Variants in SASH1 observed in about 807,000 individuals in gnomAD.
The protein encoded by SASH1 is SAM and SH3 domain-containing protein 1.
A neutral mutation model predicts 125.2 loss-of-function variants in SASH1; 44 were observed. That is an observed-to-expected ratio of 0.35 (90% CI 0.28 to 0.45). The LOEUF (loss-of-function observed/expected upper bound fraction) is 0.45. Ranked by LOEUF, SASH1 falls within the 20% of genes least tolerant of loss-of-function variation. The pLI is 1.00. For synonymous variants in SASH1, 639 were observed against 649.1 expected, an observed-to-expected ratio of 0.98 and a Z score of 0.24; for missense variants, 1,426 against 1,614.5, an observed-to-expected ratio of 0.88 and a Z score of 2.00.
intron 2 of SASH1, among the ~76,000 whole-genome samples, chr6:148,417,871 A>G (rs904116316): frequency 2.0e-5 from 3 of 152,214 alleles, no homozygotes; most frequent in African/African-American, 7.2e-5. Flanking sequence ...AAAGAAGAAG[A>G]TGAAGATGGT....
chr6:148,231,664 T>C, the SASH1 span, among the ~76,000 whole-genome samples: 117 of 152,282 alleles, frequency 7.7e-4, no homozygotes, highest in African/African-American at 2.7e-3. Flanking sequence ...TTCAGTGAAT[T>C]CTTTATTGCC....
chr6:148,521,764 T>G (rs1780826674), intron 10 of SASH1, among the ~76,000 whole-genome samples: 4 of 152,240 alleles, frequency 2.6e-5, no homozygotes, highest in Admixed American at 2.6e-4. Context: ...TTTTATGTAT[T>G]TATTTTTTAC....
intron 1 of SASH1, among the ~76,000 whole-genome samples, chr6:148,369,118 A>G (rs563389642): frequency 3.9e-5 from 6 of 152,168 alleles, no homozygotes; most frequent in Non-Finnish European, 7.3e-5. Context: ...GAGTACCTGG[A>G]TGTGCTTAAG....
intron 1 of SASH1, among the ~76,000 whole-genome samples, chr6:148,387,117 CTT>C (rs34236225): frequency 0.03 from 3,279 of 108,940 alleles, 105 homozygotes; most frequent in East Asian, 0.18. Context: ...TCTTTCTTTT[CTT>C]TTTTTTTTTT....
the SASH1 span, among the ~76,000 whole-genome samples, chr6:148,216,613 C>A: frequency 6.6e-6 from 1 of 152,186 alleles, no homozygotes; most frequent in South Asian, 2.1e-4. Flanking sequence ...CCAGTCAGGT[C>A]CGTCCAGCCC....
intron 2 of SASH1, among the ~76,000 whole-genome samples, chr6:148,421,158 A>G (rs181082805): frequency 0.079 from 4,464 of 56,804 alleles, 116 homozygotes; most frequent in Middle Eastern, 0.17. Context: ...AGAAAGAAAG[A>G]AAGAAAGAAA....
intron 1 of SASH1, among the ~76,000 whole-genome samples, chr6:148,386,515 A>C (rs1013577728): frequency 3.3e-5 from 5 of 152,212 alleles, no homozygotes; most frequent in African/African-American, 9.6e-5. Flanking sequence ...ATGGATTTCT[A>C]TTCCAGACCA....
the SASH1 span, among the ~76,000 whole-genome samples, chr6:148,200,566 G>A: frequency 6.6e-6 from 1 of 152,248 alleles, no homozygotes; most frequent in Admixed American, 6.5e-5. Flanking sequence ...GCGTGCCAAG[G>A]CGAGGTGATT....
the SASH1 span, among the ~76,000 whole-genome samples, chr6:148,217,469 T>C: frequency 4.3e-4 from 65 of 152,288 alleles, no homozygotes; most frequent in Non-Finnish European, 1.3e-4. Context: ...GTAGCCTATG[T>C]GGTACCGTTT....
At chr6:148,482,521 G>T (rs1370378871) in intron 7 of SASH1, among the ~76,000 whole-genome samples, 6 of 151,454 alleles carry the variant, frequency 4.0e-5, no homozygotes, top group Non-Finnish European at 4.4e-5. Context: ...TTGGCATGGT[G>T]AACTTTTTTT....
the SASH1 span, among the ~76,000 whole-genome samples, chr6:148,249,024 A>G: frequency 1.3e-5 from 2 of 152,242 alleles, no homozygotes; most frequent in Non-Finnish European, 2.9e-5. Flanking sequence ...AACAGTTTAC[A>G]TAGTATAGAA....
chr6:148,399,779 T>C (rs1042789708), intron 2 of SASH1, among the ~76,000 whole-genome samples: 2 of 151,942 alleles, frequency 1.3e-5, no homozygotes, highest in African/African-American at 4.8e-5. Context: ...CTAGCAGGTA[T>C]CCAGGGTTTG....
rs924708089 is a variant in SASH1 at position 148,534,681 on chromosome 6, T to C, written c.1945-70T>C. 1.8e-5 allele frequency: 27 copies of C among 1,461,360 alleles called. No homozygotes were observed. In the African/African-American group the frequency reaches 3.2e-4, roughly 17 times the overall value. The allele number at this position is 1,461,360 out of a possible 1,614,324, so 90.5% of individuals were successfully genotyped here. On this transcript the variant is annotated intron_variant, in intron 15 of 19. Coordinates refer to ENST00000367467, the MANE Select transcript of SASH1 (RefSeq NM_015278.5). ...TGGGAACAGTGTGTGGGTTGCAGGC[T>C]AGTTGTTGGCGGTGTTATCATGTGT... is the stretch of plus-strand genomic sequence containing the variant.
At chr6:148,419,035 G>A (rs1293336872) in intron 2 of SASH1, among the ~76,000 whole-genome samples, 2 of 152,016 alleles carry the variant, frequency 1.3e-5, no homozygotes, top group Non-Finnish European at 2.9e-5. Flanking sequence ...AATATTTTTG[G>A]TGAAATTTGA....
intron 1 of SASH1, among the ~76,000 whole-genome samples, chr6:148,299,833 A>C (rs1779891391): frequency 6.6e-6 from 1 of 152,184 alleles, no homozygotes; most frequent in South Asian, 2.1e-4. Flanking sequence ...TCAACTTTTA[A>C]ATCAGAATAA....
At chr6:148,259,632 C>T in the SASH1 span, among the ~76,000 whole-genome samples, 3 of 152,130 alleles carry the variant, frequency 2.0e-5, no homozygotes, top group Non-Finnish European at 4.4e-5. Flanking sequence ...GAACCCAGCA[C>T]ACGCCTAACT....
chr6:148,272,138 C>G (rs1486034999), upstream of SASH1, among the ~76,000 whole-genome samples: 3 of 152,168 alleles, frequency 2.0e-5, no homozygotes, highest in Admixed American at 2.0e-4. Context: ...TGGAAGGGAC[C>G]CCAGTGAGGC....
intron 1 of SASH1, among the ~76,000 whole-genome samples, chr6:148,273,740 C>CT (rs1009894264): frequency 6.6e-6 from 1 of 152,248 alleles, no homozygotes; most frequent in African/African-American, 2.4e-5. Context: ...TCTCCTGCCC[C>CT]TTCTCTGCTT....
chr6:148,213,505 G>GGTGTGTGTGTGTGTGTGTGTGT, the SASH1 span, among the ~76,000 whole-genome samples: 531 of 148,440 alleles, frequency 3.6e-3, 1 homozygote, highest in Non-Finnish European at 4.6e-3. Flanking sequence ...CTAGCCAAAG[G>GGTGTGTGTGTGTGTGTGTGTGT]GTGTGTGTGT....
Sources: allele counts gnomAD v4.1 joint callset (sites outside exome capture counted in the v4.1 genomes callset), GRCh38; gene constraint gnomAD v4.1.1; transcripts MANE v1.5; gene names NCBI Gene and HGNC (gene_info 2026-07-23, HGNC 2026-07-21).